Variants in ESR1 observed in about 807,000 individuals in gnomAD.
The protein encoded by ESR1 is estrogen receptor 1.
Under a neutral mutation model 52.7 loss-of-function variants are expected in ESR1, and 12 were observed. The ratio of observed to expected loss-of-function variants is 0.23; its 90% CI spans 0.15 to 0.37. The LOEUF (loss-of-function observed/expected upper bound fraction) is 0.37, where lower values mean the gene tolerates loss of function less well. Among genes scored for constraint, ESR1 ranks in the 10% least tolerant of loss-of-function variants. The probability of loss-of-function intolerance (pLI) is 1.00; values close to 1 mark genes in which losing one functional copy is unlikely to be tolerated. For missense variants in ESR1, 584 were observed against 779.7 expected, an observed-to-expected ratio of 0.75 and a Z score of 2.99; for synonymous variants, 305 against 316.8, an observed-to-expected ratio of 0.96 and a Z score of 0.39.
chr6:151,674,124 A>G (rs987468897), intron 1 of ESR1, among the ~76,000 whole-genome samples: 11 of 152,142 alleles, frequency 7.2e-5, no homozygotes, highest in African/African-American at 2.7e-4. Context: ...ACAACCTGTC[A>G]TCTAGGTTTT....
chr6:151,698,054 A>G (rs1779495118), intron 1 of ESR1, among the ~76,000 whole-genome samples: 1 of 151,498 alleles, frequency 6.6e-6, no homozygotes, highest in Admixed American at 6.6e-5. Context: ...CCAATATTGT[A>G]CCACTGCACT....
At chr6:151,676,316 A>ATC (rs1426325318) in intron 1 of ESR1, among the ~76,000 whole-genome samples, 2 of 152,162 alleles carry the variant, frequency 1.3e-5, no homozygotes, top group East Asian at 3.8e-4. Flanking sequence ...GACACCAGCC[A>ATC]TCTCTCTCTC....
intron 2 of ESR1, among the ~76,000 whole-genome samples, chr6:151,872,351 C>T (rs989874226): frequency 2.6e-5 from 4 of 152,162 alleles, no homozygotes; most frequent in African/African-American, 9.7e-5. Flanking sequence ...AATATCCTGG[C>T]ACAATCTATT....
At position 151,752,643 on chromosome 6, in the gene ESR1, T is replaced by C. The variant is rs578015777; in HGVS notation, c.-71+50638T>C. Reference sequence around the variant, plus strand: ...TTTCTATGTGTCAAATTCACCACAATGGAAAGGACTACACTATAGAATTAA... The same window carrying C: ...TTTCTATGTGTCAAATTCACCACAACGGAAAGGACTACACTATAGAATTAA... On this transcript the variant is annotated intron_variant, in intron 2 of 2. Coordinates refer to the ESR1 transcript ENST00000404742. Among the ~76,000 whole-genome samples, 7 of 152,276 alleles carry C rather than the reference T, an allele frequency of 4.6e-5. No homozygotes were observed. In the East Asian group the frequency reaches 1.4e-3, roughly 29 times the overall value.
intron 6 of ESR1, among the ~76,000 whole-genome samples, chr6:152,072,267 G>A (rs1323645237): frequency 6.6e-6 from 1 of 152,200 alleles, no homozygotes; most frequent in Admixed American, 6.5e-5. Flanking sequence ...ACACAATGCT[G>A]ATGAACTGCT....
At chr6:151,872,276 G>A (rs971331770) in intron 2 of ESR1, among the ~76,000 whole-genome samples, 4 of 152,192 alleles carry the variant, frequency 2.6e-5, no homozygotes, top group African/African-American at 7.2e-5. Flanking sequence ...TGTTCCATAC[G>A]ACTTCTTGCC....
rs1562319599 is a variant in ESR1 at position 151,669,191 on chromosome 6, G to GAGAGA, written n.73+12428_73+12429insAGAGA. ...GAGAGAGAGAGAGAGAGAGAGAGATGGGAATCCAGGGGAGAACAGAACAAG... is the reference window on the plus strand; with the variant it reads ...GAGAGAGAGAGAGAGAGAGAGAGATGAGAGAGGAATCCAGGGGAGAACAGAACAAG... On this transcript the variant is annotated intron_variant and non_coding_transcript_variant, in intron 1 of 2. Coordinates refer to the ESR1 transcript ENST00000473497. Among the ~76,000 whole-genome samples, 47 of 37,718 alleles carry GAGAGA rather than the reference G, an allele frequency of 1.2e-3. 4 individuals carry two copies. Among genetic ancestry groups the GAGAGA allele is most frequent in the Non-Finnish European group, 1.9e-3 (36 of 18,642 alleles). 24.7% of individuals were successfully genotyped at this position (37,718 alleles called of 152,430 possible).
At chr6:152,111,896 C>T (rs1302431125) in intron 6 of ESR1, among the ~76,000 whole-genome samples, 1 of 152,186 alleles carries the variant, frequency 6.6e-6, no homozygotes, top group Non-Finnish European at 1.5e-5. Context: ...AGATGGTTCC[C>T]TAAGAACGGA....
intron 3 of ESR1, among the ~76,000 whole-genome samples, chr6:151,918,919 T>C (rs996002152): frequency 1.3e-5 from 2 of 152,246 alleles, no homozygotes; most frequent in African/African-American, 4.8e-5. Flanking sequence ...CTTATTTCTT[T>C]TATTTAGCAA....
At chr6:151,830,658 G>T (rs966655275) in intron 1 of ESR1, among the ~76,000 whole-genome samples, 6 of 152,122 alleles carry the variant, frequency 3.9e-5, no homozygotes, top group Non-Finnish European at 8.8e-5. Context: ...GGGTCATCTG[G>T]TTACACATTA....
rs1359741809 is a variant in ESR1 at position 152,103,028 on chromosome 6, T to C, written c.*4062T>C. 9.0e-6 allele frequency: 2 copies of C among 222,550 alleles called. No homozygotes were observed. The highest frequency in any genetic ancestry group is 4.5e-5 in the African/African-American group (2 of 44,708). The allele number at this position is 222,550 out of a possible 1,614,324, so 13.8% of individuals were successfully genotyped here. On this transcript the variant is annotated 3_prime_UTR_variant, in exon 8 of 8. Coordinates refer to ENST00000206249, the MANE Select transcript of ESR1 (RefSeq NM_000125.4). ...AATGCTTTTTGTGCACTACATACTC[T>C]TCAGTGTAGAGCTCTTGTTTTATGG...
intron 5 of ESR1, among the ~76,000 whole-genome samples, chr6:152,045,274 C>T (rs1250346462): frequency 1.5e-4 from 23 of 152,200 alleles, no homozygotes; most frequent in Non-Finnish European, 1.5e-5. Context: ...AAGTCTTAGT[C>T]TCAGGACTGG....
intron 6 of ESR1, among the ~76,000 whole-genome samples, chr6:152,064,207 G>A (rs529297458): frequency 6.6e-6 from 1 of 152,340 alleles, no homozygotes; most frequent in East Asian, 1.9e-4. Flanking sequence ...AGAACTAGCT[G>A]GACAGAGCTG....
chr6:152,091,818 C>A (rs973627646), intron 6 of ESR1, among the ~76,000 whole-genome samples: 4 of 152,140 alleles, frequency 2.6e-5, no homozygotes, highest in African/African-American at 9.7e-5. Context: ...GTTTGAGTCT[C>A]CATTCTGTGA....
In ESR1 at chr6:151,944,350, A is replaced by C; in HGVS notation, c.938A>C (p.Asp313Ala). ...AGCCTGGCCTTGTCCCTGACGGCCG[A>C]CCAGATGGTCAGTGCCTTGTTGGAT... is the stretch of plus-strand genomic sequence containing the variant. Reference protein sequence around the residue: ...KNSLALSLTADQMVSALLDAE... With the variant: ...KNSLALSLTAAQMVSALLDAE... Residue 313 changes from aspartate (D) to alanine (A), a missense_variant, in exon 4 of 8, where the codon GAC (aspartate) becomes GCC (alanine). Asp to Ala is a moderately radical substitution (Grantham distance 126). Around this residue, in one of 6 missense-constraint regions of ESR1, gnomAD observed 88 missense variants for 88.3 expected, o/e 1.00. Coordinates refer to ENST00000206249, the MANE Select transcript of ESR1 (RefSeq NM_000125.4). The C allele has an allele frequency of 6.2e-7, 1 of 1,613,994 alleles. No homozygotes were observed. Among genetic ancestry groups the C allele is most frequent in the Non-Finnish European group, 8.5e-7 (1 of 1,179,942 alleles).
At chr6:152,123,500 T>A (rs1196650116) in intron 6 of ESR1, among the ~76,000 whole-genome samples, 1 of 152,222 alleles carries the variant, frequency 6.6e-6, no homozygotes, top group Non-Finnish European at 1.5e-5. Flanking sequence ...AGAGATTGAG[T>A]ACAGGTTTCA....
At chr6:151,786,644 C>T (rs1787051893) in intron 2 of ESR1, among the ~76,000 whole-genome samples, 1 of 149,360 alleles carries the variant, frequency 6.7e-6, no homozygotes, top group African/African-American at 2.5e-5. Flanking sequence ...TTTAAAAAAT[C>T]TGTAATTTGA....
intron 5 of ESR1, among the ~76,000 whole-genome samples, chr6:152,018,773 A>G (rs767443634): frequency 9.9e-5 from 15 of 151,916 alleles, no homozygotes; most frequent in South Asian, 4.1e-4. Context: ...GTCTCCATTC[A>G]TACCTCAAGA....
intron 1 of ESR1, among the ~76,000 whole-genome samples, chr6:151,664,471 G>A (rs1777749640): frequency 6.6e-6 from 1 of 152,140 alleles, no homozygotes; most frequent in South Asian, 2.1e-4. Flanking sequence ...TGAGGATGAA[G>A]CTTTAGATAA....
Sources: gnomAD v4.1 joint callset for allele counts (sites outside exome capture counted in the v4.1 genomes callset) on GRCh38, gnomAD v4.1.1 for gene constraint, gnomAD v4.1.1 regional missense constraint, MANE v1.5 for transcripts, NCBI Gene and HGNC (gene_info 2026-07-23, HGNC 2026-07-21) for gene names.